Variants in PRKD1 observed in about 807,000 individuals in gnomAD.
The protein encoded by PRKD1 is serine/threonine-protein kinase D1.
Under a neutral mutation model 95.9 loss-of-function variants are expected in PRKD1, and 63 were observed. That is an observed-to-expected ratio of 0.66 (90% CI 0.54 to 0.81). The LOEUF (loss-of-function observed/expected upper bound fraction) is 0.81. Among genes scored for constraint, PRKD1 ranks in the 30% least tolerant of loss-of-function variants. The pLI, the probability that PRKD1 is intolerant of heterozygous loss-of-function variation, is 0.00. For synonymous variants in PRKD1, 425 were observed against 423.1 expected (o/e 1.00, Z -0.05); for missense variants, 1,048 against 1,165.3 (o/e 0.90, Z 1.47).
intron 1 of PRKD1, among the ~76,000 whole-genome samples, chr14:29,895,868 C>T (rs1894106717): frequency 6.6e-6 from 1 of 152,178 alleles, no homozygotes; most frequent in Admixed American, 6.5e-5. Flanking sequence ...CCAACTCTAC[C>T]CTGCCCTATG....
chr14:29,753,750 C>A (rs1345629539), intron 1 of PRKD1, among the ~76,000 whole-genome samples: 2 of 152,116 alleles, frequency 1.3e-5, no homozygotes, highest in East Asian at 1.9e-4. Flanking sequence ...GGAATGTATC[C>A]AAATTGCCAT....
intron 2 of PRKD1, among the ~76,000 whole-genome samples, chr14:29,672,177 C>G (rs1410427521): frequency 6.6e-6 from 1 of 151,102 alleles, no homozygotes; most frequent in Non-Finnish European, 1.5e-5. Flanking sequence ...CCTGTCTCCA[C>G]TAAAAATACA....
At chr14:29,801,250 T>C (rs974846244) in intron 1 of PRKD1, among the ~76,000 whole-genome samples, 10 of 152,136 alleles carry the variant, frequency 6.6e-5, no homozygotes, top group Admixed American at 1.3e-4. Flanking sequence ...TGATGAGGCC[T>C]CCCCACATTA....
rs193139595 is a variant in PRKD1 at position 29,889,464 on chromosome 14, T to C, written c.264+37785A>G. 2.6e-5 allele frequency among the ~76,000 whole-genome samples: 4 copies of C among 152,298 alleles called. No individual in the cohort carries two copies. The East Asian group carries it at 7.7e-4, about 29-fold the overall frequency. On this transcript the variant is annotated intron_variant, in intron 1 of 17. Coordinates refer to ENST00000331968, the MANE Select transcript of PRKD1 (RefSeq NM_002742.3). ...GGAGCAAGGGGCTGGGGGATTTCCC[T>C]TTCCTAGCCAAGGGAAGCCATGAGT...
chr14:29,774,255 G>C (rs1331241528), intron 1 of PRKD1, among the ~76,000 whole-genome samples: 1 of 152,202 alleles, frequency 6.6e-6, no homozygotes. Flanking sequence ...CTACAGAAGA[G>C]TGAAATGGGA....
chr14:29,648,377 G>A (rs1020602793), intron 4 of PRKD1, among the ~76,000 whole-genome samples: 46 of 151,602 alleles, frequency 3.0e-4, no homozygotes, highest in African/African-American at 9.9e-4. Flanking sequence ...TTGAGTAGTA[G>A]TATGCTTTGT....
intron 2 of PRKD1, among the ~76,000 whole-genome samples, chr14:29,695,190 T>TGC (rs1313922541): frequency 6.9e-6 from 1 of 145,318 alleles, no homozygotes; most frequent in East Asian, 2.0e-4. Context: ...GCTGAGATCC[T>TGC]GCCACTGCAC....
intron 1 of PRKD1, among the ~76,000 whole-genome samples, chr14:29,786,248 A>G (rs1271356280): frequency 6.6e-6 from 1 of 152,098 alleles, no homozygotes; most frequent in Non-Finnish European, 1.5e-5. Flanking sequence ...TTTTCATAAT[A>G]TTTTGTTGAG....
chr14:29,718,332 T>C (rs182506294), intron 2 of PRKD1, among the ~76,000 whole-genome samples: 7 of 152,156 alleles, frequency 4.6e-5, no homozygotes, highest in Admixed American at 1.3e-4. Context: ...CAGGCACTTC[T>C]GCTACTGCCA....
At chr14:29,789,467 TGTGTTGGTATA>T (rs1252036387) in intron 1 of PRKD1, among the ~76,000 whole-genome samples, 1 of 152,202 alleles carries the variant, frequency 6.6e-6, no homozygotes, top group Non-Finnish European at 1.5e-5. Context: ...TCTGGGTGGC[TGTGTTGGTATA>T]GTGTGTTTAT....
chr14:29,603,869 T>G (rs1427817813), intron 13 of PRKD1, among the ~76,000 whole-genome samples: 1 of 152,172 alleles, frequency 6.6e-6, no homozygotes, highest in African/African-American at 2.4e-5. Context: ...TTAAGCAATT[T>G]AATTTTCAGG....
chr14:29,578,750 A>C (rs1442104121), intron 16 of PRKD1, among the ~76,000 whole-genome samples: 1 of 152,096 alleles, frequency 6.6e-6, no homozygotes, highest in Non-Finnish European at 1.5e-5. Context: ...GCATTTACTA[A>C]TTTTGTTATA....
chr14:29,697,167 A>C (rs1415996955), intron 2 of PRKD1, among the ~76,000 whole-genome samples: 1 of 151,588 alleles, frequency 6.6e-6, no homozygotes, highest in Non-Finnish European at 1.5e-5. Context: ...ACATAGTAAA[A>C]AAAAAACAAA....
intron 1 of PRKD1, among the ~76,000 whole-genome samples, chr14:29,806,915 T>C (rs1186686876): frequency 2.0e-5 from 3 of 152,126 alleles, no homozygotes; most frequent in Non-Finnish European, 4.4e-5. Flanking sequence ...TAAAACCATA[T>C]TGTCGCAATA....
intron 1 of PRKD1, among the ~76,000 whole-genome samples, chr14:29,757,693 C>A (rs1022717493): frequency 6.7e-6 from 1 of 149,682 alleles, no homozygotes; most frequent in African/African-American, 2.5e-5. Context: ...ACAATAAAAC[C>A]AATTATTAAA....
At chr14:29,791,465 G>A (rs937342127) in intron 1 of PRKD1, among the ~76,000 whole-genome samples, 12 of 152,028 alleles carry the variant, frequency 7.9e-5, no homozygotes, top group Admixed American at 3.9e-4. Flanking sequence ...ATATTCCTCC[G>A]TACTCTCTCC....
At chr14:29,824,895 T>C (rs1488156606) in intron 1 of PRKD1, among the ~76,000 whole-genome samples, 1 of 152,086 alleles carries the variant, frequency 6.6e-6, no homozygotes, top group African/African-American at 2.4e-5. Flanking sequence ...TCAGTAATGA[T>C]GACACCATAT....
intron 1 of PRKD1, among the ~76,000 whole-genome samples, chr14:29,831,093 G>A (rs566882282): frequency 6.6e-6 from 1 of 152,166 alleles, no homozygotes; most frequent in Admixed American, 6.5e-5. Flanking sequence ...CATTACATCA[G>A]TAGCTAACAT....
chr14:29,746,555 T>C (rs1053055687), intron 1 of PRKD1, among the ~76,000 whole-genome samples: 31 of 134,936 alleles, frequency 2.3e-4, no homozygotes, highest in Non-Finnish European at 2.0e-4. Context: ...CACACACACA[T>C]AATCCCTCTA....
Sources: gnomAD v4.1 joint callset for allele counts (sites outside exome capture counted in the v4.1 genomes callset) on GRCh38, gnomAD v4.1.1 for gene constraint, MANE v1.5 for transcripts, NCBI Gene and HGNC (gene_info 2026-07-23, HGNC 2026-07-21) for gene names.